The following ASIC2 variants were observed in gnomAD, a reference collection of about 807,000 sequenced individuals.
ASIC2 encodes the protein acid sensing ion channel subunit 2.
In ASIC2, 25 loss-of-function variants were observed where a neutral mutation model predicts 57.3. The ratio of observed to expected loss-of-function variants is 0.44; its 90% CI spans 0.32 to 0.61. The LOEUF is 0.61. ASIC2 is among the 20% of genes least tolerant of loss of function. The pLI is 0.06. For synonymous variants in ASIC2, 319 were observed against 307.5 expected (o/e 1.04, Z -0.39); for missense variants, 641 against 738.1 (o/e 0.87, Z 1.52).
intron 1 of ASIC2, among the ~76,000 whole-genome samples, chr17:33,161,241 G>A (rs1326036466): frequency 1.3e-5 from 2 of 152,184 alleles, no homozygotes; most frequent in South Asian, 2.1e-4. Flanking sequence ...GGTTTATAGA[G>A]CACCTACTGT....
intron 1 of ASIC2, among the ~76,000 whole-genome samples, chr17:33,975,238 C>G (rs1905344417): frequency 6.6e-6 from 1 of 152,164 alleles, no homozygotes; most frequent in Admixed American, 6.5e-5. Context: ...ATGGAAGCCC[C>G]TTTGCTGATA....
At position 33,056,284 on chromosome 17, in the gene ASIC2, T is replaced by C. The variant is rs1423737243; in HGVS notation, c.988-27892A>G. ...ACCCAAAGATACACAGCTGAGTGTATGAAATTCACTCTGTATTGGAAAATC... is the reference window on the plus strand; with the variant it reads ...ACCCAAAGATACACAGCTGAGTGTACGAAATTCACTCTGTATTGGAAAATC... On this transcript the variant is annotated intron_variant, in intron 3 of 9. Coordinates refer to ENST00000225823, the MANE Select transcript of ASIC2 (RefSeq NM_183377.2). Among the ~76,000 whole-genome samples the C allele has an allele frequency of 2.6e-5, 4 of 152,210 alleles. No homozygotes were observed. In the South Asian group the frequency reaches 8.3e-4, roughly 32 times the overall value.
chr17:33,170,931 C>T (rs1370465257), intron 1 of ASIC2, among the ~76,000 whole-genome samples: 1 of 152,212 alleles, frequency 6.6e-6, no homozygotes, highest in Non-Finnish European at 1.5e-5. Context: ...ACATATGGCA[C>T]CCCTTTCACT....
In ASIC2 at chr17:33,773,173, G is replaced by A. The variant is rs555781900; in HGVS notation, c.555+382805C>T. Among the ~76,000 whole-genome samples, 139 of 151,908 alleles carry A rather than the reference G, an allele frequency of 9.2e-4. 1 individual carries two copies. The highest frequency in any genetic ancestry group is 5.3e-4 in the Non-Finnish European group (36 of 67,942). ...TGTCTAGTAAGTTTAAACTGCATAGGGATTGAAAATCTTTCAGAAAATGAC... is the reference window on the plus strand; with the variant it reads ...TGTCTAGTAAGTTTAAACTGCATAGAGATTGAAAATCTTTCAGAAAATGAC... On this transcript the variant is annotated intron_variant, in intron 1 of 9. Transcript: ENST00000359872.
intron 1 of ASIC2, among the ~76,000 whole-genome samples, chr17:33,684,989 TAGC>T (rs1037422358): frequency 2.5e-4 from 38 of 152,228 alleles, no homozygotes; most frequent in African/African-American, 9.1e-4. Flanking sequence ...GAAGCAGAAA[TAGC>T]AGCCCTCTGG....
chr17:33,446,768 G>C (rs1460963596), intron 1 of ASIC2, among the ~76,000 whole-genome samples: 14 of 152,168 alleles, frequency 9.2e-5, no homozygotes, highest in African/African-American at 3.4e-4. Context: ...GAATCCTCTG[G>C]AAGGGAAATC....
At chr17:33,236,252 C>T (rs1402860559) in intron 1 of ASIC2, among the ~76,000 whole-genome samples, 4 of 152,078 alleles carry the variant, frequency 2.6e-5, no homozygotes, top group Non-Finnish European at 5.9e-5. Flanking sequence ...GCAAAAGGGT[C>T]GGCTGTAGTG....
intron 1 of ASIC2, among the ~76,000 whole-genome samples, chr17:33,151,197 ACACG>A (rs532869567): frequency 2.2e-5 from 3 of 136,106 alleles, no homozygotes; most frequent in African/African-American, 8.1e-5. Flanking sequence ...ACACACACAC[ACACG>A]CGCGCACACA....
At chr17:33,202,000 A>T (rs1262743723) in intron 1 of ASIC2, among the ~76,000 whole-genome samples, 11 of 137,592 alleles carry the variant, frequency 8.0e-5, no homozygotes, top group South Asian at 7.2e-4. Context: ...CCACTTGGTG[A>T]CACGGTGAGA....
chr17:33,704,418 A>C (rs1228517138), intron 1 of ASIC2, among the ~76,000 whole-genome samples: 1 of 152,150 alleles, frequency 6.6e-6, no homozygotes, highest in Non-Finnish European at 1.5e-5. Flanking sequence ...GACTCCTGTA[A>C]AGGGAGTCTC....
intron 1 of ASIC2, among the ~76,000 whole-genome samples, chr17:33,704,947 A>G (rs180813510): frequency 4.8e-4 from 73 of 152,350 alleles, no homozygotes; most frequent in African/African-American, 1.6e-3. Context: ...GAAACCCCAC[A>G]AAACCTCTCT....
At chr17:33,162,397 G>A (rs771028728) in intron 1 of ASIC2, among the ~76,000 whole-genome samples, 3 of 152,152 alleles carry the variant, frequency 2.0e-5, no homozygotes, top group African/African-American at 4.8e-5. Context: ...CCAGAAAGGT[G>A]GCCCATTTCT....
At chr17:33,799,987 G>A (rs1027801569) in intron 1 of ASIC2, among the ~76,000 whole-genome samples, 1 of 152,148 alleles carries the variant, frequency 6.6e-6, no homozygotes, top group Admixed American at 6.5e-5. Flanking sequence ...CTCACTAGGT[G>A]CTTCCTTATT....
In ASIC2 at chr17:33,476,540, C is replaced by T. The variant is rs1318457854; in HGVS notation, c.556-364473G>A. 1.0e-3 allele frequency among the ~76,000 whole-genome samples: 72 copies of T among 68,736 alleles called. No individual in the cohort carries two copies. In the South Asian group the frequency reaches 0.017, roughly 17 times the overall value. 45.1% of individuals were successfully genotyped at this position (68,736 alleles called of 152,430 possible). ...ATATATATATATATATATATATGTA[C>T]AGGGGTGTGTGTGTGTGTGTGTGTG... On this transcript the variant is annotated intron_variant, in intron 1 of 9. Coordinates refer to the ASIC2 transcript ENST00000359872.
chr17:33,025,012 C>T (rs901394460), intron 5 of ASIC2, among the ~76,000 whole-genome samples: 2 of 152,114 alleles, frequency 1.3e-5, no homozygotes, highest in African/African-American at 4.8e-5. Flanking sequence ...CTAGCCACCT[C>T]AGTGTTTCCA....
intron 1 of ASIC2, among the ~76,000 whole-genome samples, chr17:33,646,059 T>C (rs1257522346): frequency 6.6e-6 from 1 of 152,132 alleles, no homozygotes; most frequent in Non-Finnish European, 1.5e-5. Flanking sequence ...CTCAAAGCAC[T>C]AATTTTTACA....
intron 3 of ASIC2, among the ~76,000 whole-genome samples, chr17:33,038,724 C>G (rs1178669772): frequency 1.3e-5 from 2 of 152,232 alleles, no homozygotes; most frequent in Non-Finnish European, 2.9e-5. Context: ...GAGCTTCTCT[C>G]AACAGTCGCC....
At chr17:33,872,258 A>G (rs1233884574) in intron 1 of ASIC2, among the ~76,000 whole-genome samples, 2 of 152,166 alleles carry the variant, frequency 1.3e-5, no homozygotes, top group Admixed American at 1.3e-4. Flanking sequence ...CTTACGCCAC[A>G]GAACATCGGG....
intron 1 of ASIC2, among the ~76,000 whole-genome samples, chr17:33,259,684 T>C (rs1909210642): frequency 6.6e-6 from 1 of 152,132 alleles, no homozygotes; most frequent in Non-Finnish European, 1.5e-5. Flanking sequence ...GTTCGTATGA[T>C]CACACGATCC....
Sources: allele counts gnomAD v4.1 joint callset (sites outside exome capture counted in the v4.1 genomes callset), GRCh38; gene constraint gnomAD v4.1.1; transcripts MANE v1.5; gene names NCBI Gene and HGNC (gene_info 2026-07-23, HGNC 2026-07-21).